Variants in CSMD3 observed in about 807,000 individuals in gnomAD.
The protein encoded by CSMD3 is CUB and sushi domain-containing protein 3.
Under a neutral mutation model 435.2 loss-of-function variants are expected in CSMD3, and 177 were observed. The observed-to-expected ratio is 0.41, with a 90% CI of 0.36 to 0.46. The LOEUF is 0.46. CSMD3 is among the 20% of genes least tolerant of loss of function. The pLI, the probability that CSMD3 is intolerant of heterozygous loss-of-function variation, is 0.34. For missense variants in CSMD3, 4,265 were observed against 4,504.6 expected (o/e 0.95, Z 1.52); for synonymous variants, 1,656 against 1,520.5 (o/e 1.09, Z -2.07).
chr8:112,293,199 G>C (rs1203622320), intron 54 of CSMD3, among the ~76,000 whole-genome samples: 1 of 151,932 alleles, frequency 6.6e-6, no homozygotes, highest in Non-Finnish European at 1.5e-5. Context: ...AGGCTGTAGT[G>C]AGCATGATCA....
Position 112,451,155 on chromosome 8 carries a change from A to G in CSMD3, c.5395+21436T>C, listed in dbSNP as rs528244506. On this transcript the variant is annotated intron_variant, in intron 32 of 70. Coordinates refer to ENST00000297405, the MANE Select transcript of CSMD3 (RefSeq NM_198123.2). ...CTACAAATTTAAATATAAATGATGG[A>G]TATTTTATATTTGCTATTTCATTAC... 2.6e-5 allele frequency among the ~76,000 whole-genome samples: 4 copies of G among 152,296 alleles called. No homozygotes were observed. The South Asian group carries it at 8.3e-4, about 32-fold the overall frequency.
chr8:112,352,707 C>T (rs2131065435), intron 38 of CSMD3, among the ~76,000 whole-genome samples, 173 bp from the exon 39 acceptor site: 1 of 152,218 alleles, frequency 6.6e-6, no homozygotes, highest in South Asian at 2.1e-4. Flanking sequence ...GAATAATGCA[C>T]ATTTGAACAT....
At chr8:112,474,335 T>C (rs1300038514) in intron 31 of CSMD3, among the ~76,000 whole-genome samples, 2 of 151,962 alleles carry the variant, frequency 1.3e-5, no homozygotes, top group African/African-American at 4.8e-5. Context: ...AGATTATAGA[T>C]GGATGGAGAG....
rs1011970135 is a variant in CSMD3 at position 113,436,906 on chromosome 8, T to A, written c.-52A>T. On this transcript the variant is annotated 5_prime_UTR_variant, in exon 1 of 71. Coordinates refer to ENST00000297405, the MANE Select transcript of CSMD3 (RefSeq NM_198123.2). The stretch of plus-strand genomic sequence containing the variant: ...TCCTCAGCCCGGCGCAGTGGAGTTG[T>A]TGCTGTTGTTGGTGCGCGGTCACAG... 3.1e-6 allele frequency: 5 copies of A among 1,603,978 alleles called. No individual in the cohort carries two copies. In the African/African-American group the frequency reaches 5.4e-5, roughly 17 times the overall value.
In CSMD3 at chr8:113,210,108, T is replaced by C. The variant is rs567808005; in HGVS notation, c.515-36192A>G. ...TTTTATGCTCTTGGATTTTGAAAGG[T>C]TAGGTTCAGCTACTGGAAGTATCAT... is the stretch of plus-strand genomic sequence containing the variant. On this transcript the variant is annotated intron_variant, in intron 3 of 70. Coordinates refer to ENST00000297405, the MANE Select transcript of CSMD3 (RefSeq NM_198123.2). Among the ~76,000 whole-genome samples the C allele has an allele frequency of 1.3e-4, 19 of 151,760 alleles. No homozygotes were observed. The Admixed American group carries it at 1.3e-3, about 10-fold the overall frequency.
chr8:112,845,913 C>A lies in CSMD3; in HGVS notation c.1755+13232G>T, dbSNP rs186034814. Among the ~76,000 whole-genome samples, 6 of 151,858 alleles carry A rather than the reference C, an allele frequency of 4.0e-5. No individual in the cohort carries two copies. The East Asian group carries it at 1.2e-3, about 29-fold the overall frequency. Reference sequence around the variant, plus strand: ...TGTTTGAATTATTAATATAGAGGAACACTAATATTTAAGGATAAGGTCACT... The same window carrying A: ...TGTTTGAATTATTAATATAGAGGAAAACTAATATTTAAGGATAAGGTCACT... On this transcript the variant is annotated intron_variant, in intron 11 of 70. Transcript: ENST00000297405.
At chr8:113,400,151 A>G (rs947453274) in intron 1 of CSMD3, among the ~76,000 whole-genome samples, 1 of 152,122 alleles carries the variant, frequency 6.6e-6, no homozygotes, top group East Asian at 1.9e-4. Flanking sequence ...AAATTGCATA[A>G]AAAGTAAAAG....
At chr8:112,374,876 T>A (rs1277545765) in intron 38 of CSMD3, among the ~76,000 whole-genome samples, 1 of 152,178 alleles carries the variant, frequency 6.6e-6, no homozygotes. Flanking sequence ...AGGTGAAGAA[T>A]CTAGATAGCT....
chr8:112,735,053 A>G (rs2077157424), intron 13 of CSMD3, among the ~76,000 whole-genome samples: 1 of 152,050 alleles, frequency 6.6e-6, no homozygotes, highest in African/African-American at 2.4e-5. Flanking sequence ...ACATGAATTT[A>G]AAGATTAATT....
At chr8:112,339,683 T>C (rs113427832) in intron 42 of CSMD3, among the ~76,000 whole-genome samples, 2,076 of 152,280 alleles carry the variant, frequency 0.014, 50 homozygotes, top group African/African-American at 0.047. Context: ...TCAAACTGAT[T>C]CCTTCAGTAG....
chr8:113,258,550 T>C (rs2093402351), intron 3 of CSMD3, among the ~76,000 whole-genome samples: 1 of 152,158 alleles, frequency 6.6e-6, no homozygotes, highest in Admixed American at 6.6e-5. Context: ...CTTAGGAAAA[T>C]ATTTGTCCCA....
chr8:113,308,322 G>A (rs1260956093), intron 2 of CSMD3, among the ~76,000 whole-genome samples: 1 of 119,722 alleles, frequency 8.4e-6, no homozygotes, highest in African/African-American at 3.1e-5. Flanking sequence ...AGGCTGGAGT[G>A]CAGTGGCGCG....
chr8:113,302,282 AAT>A (rs1563672504), intron 2 of CSMD3, among the ~76,000 whole-genome samples: 28 of 10,386 alleles, frequency 2.7e-3, no homozygotes, highest in Admixed American at 8.1e-3. Context: ...ATATAATTAT[AAT>A]ATATAATATA....
At chr8:113,153,898 C>T (rs921738864) in intron 4 of CSMD3, among the ~76,000 whole-genome samples, 5 of 151,692 alleles carry the variant, frequency 3.3e-5, no homozygotes, top group Admixed American at 1.3e-4. Context: ...ACAAGATTTC[C>T]GTTAAGCTTG....
intron 59 of CSMD3, among the ~76,000 whole-genome samples, 192 bp from the exon 60 acceptor site, chr8:112,265,782 G>A (rs1816888130): frequency 6.6e-6 from 1 of 152,106 alleles, no homozygotes; most frequent in African/African-American, 2.4e-5. Context: ...GCTTATTACA[G>A]ATTCTACACA....
intron 3 of CSMD3, among the ~76,000 whole-genome samples, chr8:113,274,894 G>A (rs2093557740): frequency 6.6e-6 from 1 of 151,370 alleles, no homozygotes; most frequent in South Asian, 2.1e-4. Context: ...GAGGGAGGGA[G>A]GCAGAGAAAT....
intron 16 of CSMD3, among the ~76,000 whole-genome samples, chr8:112,675,521 T>C (rs1288567862): frequency 6.6e-6 from 1 of 152,034 alleles, no homozygotes; most frequent in Non-Finnish European, 1.5e-5. Context: ...AGGGGACATG[T>C]GAGTCAGAGT....
At chr8:113,332,390 A>T (rs1360810730) in intron 1 of CSMD3, among the ~76,000 whole-genome samples, 1 of 151,642 alleles carries the variant, frequency 6.6e-6, no homozygotes, top group Non-Finnish European at 1.5e-5. Context: ...GAAAACCCTA[A>T]AAAACACACT....
intron 61 of CSMD3, among the ~76,000 whole-genome samples, chr8:112,256,106 T>C (rs2130291427): frequency 6.6e-6 from 1 of 152,282 alleles, no homozygotes; most frequent in South Asian, 2.1e-4. Context: ...ATTATTCCAT[T>C]CAACTTACAT....
Sources: gnomAD v4.1 joint callset for allele counts (sites outside exome capture counted in the v4.1 genomes callset) on GRCh38, gnomAD v4.1.1 for gene constraint, MANE v1.5 for transcripts, NCBI Gene and HGNC (gene_info 2026-07-23, HGNC 2026-07-21) for gene names.